ARSB: variants seen among roughly 807,000 people sequenced by gnomAD.
ARSB encodes N-acetylgalactosamine-4-sulfatase.
A neutral mutation model predicts 50.9 loss-of-function variants in ARSB; 41 were observed. The observed-to-expected ratio is 0.81, with a 90% CI of 0.63 to 1.04. The LOEUF (loss-of-function observed/expected upper bound fraction) is 1.04, where lower values mean the gene tolerates loss of function less well. Among genes scored for constraint, ARSB ranks in the 50% least tolerant of loss-of-function variants. ARSB has a pLI of 0.00. For missense variants in ARSB, 672 were observed against 693.3 expected (o/e 0.97, Z 0.35); for synonymous variants, 269 against 284.8 (o/e 0.94, Z 0.56).
intron 6 of ARSB, among the ~76,000 whole-genome samples, chr5:78,798,245 C>T (rs1349130128): frequency 6.6e-6 from 1 of 152,204 alleles, no homozygotes; most frequent in African/African-American, 2.4e-5. Context: ...ATCTCCAGTT[C>T]TGGCACCAGC....
intron 6 of ARSB, among the ~76,000 whole-genome samples, chr5:78,799,603 C>T (rs1321721097): frequency 6.6e-6 from 1 of 152,166 alleles, no homozygotes; most frequent in Non-Finnish European, 1.5e-5. Flanking sequence ...ATACGGAAAA[C>T]CAATTAAGAC....
chr5:78,887,813 C>T (rs779173915), intron 4 of ARSB, among the ~76,000 whole-genome samples: 1 of 152,178 alleles, frequency 6.6e-6, no homozygotes, highest in Non-Finnish European at 1.5e-5. Flanking sequence ...ATAGAGTGGG[C>T]TCACACATGT....
intron 4 of ARSB, among the ~76,000 whole-genome samples, chr5:78,904,054 G>A (rs1748921838): frequency 6.6e-6 from 1 of 152,126 alleles, no homozygotes; most frequent in Non-Finnish European, 1.5e-5. Context: ...CTGTCGTTAA[G>A]GTTTTGCTTT....
At chr5:78,942,626 G>C (rs573213408) in intron 4 of ARSB, among the ~76,000 whole-genome samples, 6 of 152,332 alleles carry the variant, frequency 3.9e-5, no homozygotes, top group Non-Finnish European at 8.8e-5. Flanking sequence ...GTTCTAGTTT[G>C]ATTGCACTGT....
In ARSB at chr5:78,962,629, G is replaced by A. The variant is rs1418835976; in HGVS notation, c.690+1787C>T. ...TGCAAGCTCCGCCTCCCGGGTTCAC[G>A]CCATTCTCCTGCCTCAACCTCCAGA... On this transcript the variant is annotated intron_variant, in intron 3 of 7. Coordinates refer to ENST00000264914, the MANE Select transcript of ARSB (RefSeq NM_000046.5). Among the ~76,000 whole-genome samples the A allele has an allele frequency of 6.0e-5, 9 of 148,940 alleles. 1 individual carries two copies. Among genetic ancestry groups the A allele is most frequent in the South Asian group, 2.1e-4 (1 of 4,706 alleles).
At chr5:78,959,178 C>T (rs7712469) in intron 3 of ARSB, among the ~76,000 whole-genome samples, 40,254 of 151,972 alleles carry the variant, frequency 0.26, 6,644 homozygotes, top group African/African-American at 0.47. Flanking sequence ...TTATAAGGCG[C>T]TTTTCCCCCT....
chr5:78,822,923 A>G (rs1744294494), intron 6 of ARSB, among the ~76,000 whole-genome samples: 1 of 152,236 alleles, frequency 6.6e-6, no homozygotes, highest in African/African-American at 2.4e-5. Flanking sequence ...GGCGTGAGCC[A>G]ACACGCCTGG....
intron 4 of ARSB, among the ~76,000 whole-genome samples, chr5:78,890,176 T>C (rs1748222382): frequency 6.6e-6 from 1 of 152,122 alleles, no homozygotes; most frequent in Admixed American, 6.5e-5. Context: ...AAATTCAATC[T>C]TCTCCTGCTA....
intron 5 of ARSB, among the ~76,000 whole-genome samples, chr5:78,858,234 T>A (rs1220964452): frequency 6.6e-6 from 1 of 152,228 alleles, no homozygotes. Context: ...TAACTGCAAA[T>A]GCTTCTATTA....
intron 7 of ARSB, 51 bp from the exon 8 acceptor site, chr5:78,780,713 T>C (rs772108213): frequency 3.1e-6 from 5 of 1,608,180 alleles, no homozygotes; most frequent in Non-Finnish European, 4.2e-6. Flanking sequence ...AGAGGCAGGT[T>C]CTAATTTCAG....
At chr5:78,966,526 G>A (rs1001669122) in intron 2 of ARSB, among the ~76,000 whole-genome samples, 1 of 152,202 alleles carries the variant, frequency 6.6e-6, no homozygotes, top group Non-Finnish European at 1.5e-5. Flanking sequence ...ACCATCACCT[G>A]ATTTTTAGCA....
chr5:78,928,775 T>C (rs1175882542), intron 4 of ARSB, among the ~76,000 whole-genome samples: 4 of 152,244 alleles, frequency 2.6e-5, no homozygotes, highest in Non-Finnish European at 5.9e-5. Context: ...AATTTGCCTG[T>C]TTTAATATAA....
At position 78,984,750 on chromosome 5, in the gene ARSB, C is replaced by T. The variant is rs185548450; in HGVS notation, c.312+187G>A. ...GCGGGGCGCCAGAGCCGGGCATGCGCAGAGGCCGCGGCGGGCTGCCGGCCT... is the reference window on the plus strand; with the variant it reads ...GCGGGGCGCCAGAGCCGGGCATGCGTAGAGGCCGCGGCGGGCTGCCGGCCT... On this transcript the variant is annotated intron_variant, in intron 1 of 7. Transcript: ENST00000264914. 4.0e-3 allele frequency among the ~76,000 whole-genome samples: 612 copies of T among 152,148 alleles called. 4 individuals are homozygous for T. The highest frequency in any genetic ancestry group is 0.014 in the African/African-American group (574 of 41,552).
At chr5:78,864,727 A>G (rs1324152840) in intron 5 of ARSB, among the ~76,000 whole-genome samples, 1 of 152,252 alleles carries the variant, frequency 6.6e-6, no homozygotes, top group Non-Finnish European at 1.5e-5. Context: ...TGTAAAATCA[A>G]AAGCAAGCTA....
At chr5:78,796,803 G>A (rs565446850) in intron 6 of ARSB, among the ~76,000 whole-genome samples, 3 of 151,144 alleles carry the variant, frequency 2.0e-5, no homozygotes, top group East Asian at 1.9e-4. Context: ...ACAGGCACAC[G>A]CCACCATGCC....
At chr5:78,820,022 T>C (rs1462125474) in intron 6 of ARSB, among the ~76,000 whole-genome samples, 1 of 152,228 alleles carries the variant, frequency 6.6e-6, no homozygotes, top group Non-Finnish European at 1.5e-5. Context: ...CCCTCATGGA[T>C]AGGATTAGTG....
At chr5:78,979,335 TG>T (rs1752798965) in intron 1 of ARSB, among the ~76,000 whole-genome samples, 4 of 152,324 alleles carry the variant, frequency 2.6e-5, no homozygotes, top group Non-Finnish European at 5.9e-5. Context: ...AAAAAGATAA[TG>T]ACAAGTGTTG....
At chr5:78,850,210 CTTA>C (rs1745693763) in intron 5 of ARSB, among the ~76,000 whole-genome samples, 1 of 152,212 alleles carries the variant, frequency 6.6e-6, no homozygotes, top group Non-Finnish European at 1.5e-5. Flanking sequence ...ATAGATAGCT[CTTA>C]TTATTTTGAG....
chr5:78,895,404 C>A (rs1748521743), intron 4 of ARSB, among the ~76,000 whole-genome samples: 1 of 152,184 alleles, frequency 6.6e-6, no homozygotes, highest in Non-Finnish European at 1.5e-5. Context: ...AAAATGATGA[C>A]CCTACATCAT....
Sources: gnomAD v4.1 joint callset for allele counts (sites outside exome capture counted in the v4.1 genomes callset) on GRCh38, gnomAD v4.1.1 for gene constraint, MANE v1.5 for transcripts, NCBI Gene and HGNC (gene_info 2026-07-23, HGNC 2026-07-21) for gene names.